NFIA: variants seen among roughly 807,000 people sequenced by gnomAD.
NFIA encodes nuclear factor 1 A-type.
A neutral mutation model predicts 62.8 loss-of-function variants in NFIA; 8 were observed. The observed-to-expected ratio is 0.13, with a 90% CI of 0.07 to 0.23. NFIA has a LOEUF of 0.23. Ranked by LOEUF, NFIA falls within the 10% of genes least tolerant of loss-of-function variation. The pLI is 1.00. For missense variants in NFIA, 410 were observed against 642.1 expected (o/e 0.64, Z 3.91); for synonymous variants, 235 against 238.1 (o/e 0.99, Z 0.12).
At chr1:61,355,509 G>A (rs1186348973) in intron 5 of NFIA, among the ~76,000 whole-genome samples, 2 of 152,028 alleles carry the variant, frequency 1.3e-5, no homozygotes, top group Admixed American at 6.5e-5. Context: ...AAGTTGTCTC[G>A]GAAGCCTCCA....
intron 10 of NFIA, among the ~76,000 whole-genome samples, chr1:61,442,729 C>G (rs1416465954): frequency 6.6e-6 from 1 of 152,168 alleles, no homozygotes; most frequent in South Asian, 2.1e-4. Flanking sequence ...ACATGATTTT[C>G]AGTCATTTGG....
chr1:61,119,879 G>C (rs1268129384), intron 2 of NFIA, among the ~76,000 whole-genome samples: 2 of 152,148 alleles, frequency 1.3e-5, no homozygotes, highest in Non-Finnish European at 2.9e-5. Flanking sequence ...CCTTGCCTCT[G>C]TATGCCCTGC....
intron 3 of NFIA, among the ~76,000 whole-genome samples, chr1:61,308,702 G>C (rs918479570): frequency 6.6e-6 from 1 of 152,094 alleles, no homozygotes; most frequent in African/African-American, 2.4e-5. Flanking sequence ...TTCTGTCTTA[G>C]TTTTCTCAGG....
intron 7 of NFIA, among the ~76,000 whole-genome samples, chr1:61,388,795 T>G (rs1024288017): frequency 6.6e-6 from 1 of 152,078 alleles, no homozygotes; most frequent in Non-Finnish European, 1.5e-5. Flanking sequence ...CTTAAGAAAA[T>G]AAGGAGTCAC....
chr1:61,198,489 T>C (rs1230983569), intron 2 of NFIA, among the ~76,000 whole-genome samples: 2 of 152,210 alleles, frequency 1.3e-5, no homozygotes, highest in African/African-American at 4.8e-5. Context: ...CTAGGGTCTT[T>C]GACTGAGAAG....
chr1:61,280,650 C>G (rs939707097), intron 3 of NFIA, among the ~76,000 whole-genome samples: 3 of 152,122 alleles, frequency 2.0e-5, no homozygotes, highest in African/African-American at 7.2e-5. Context: ...GCTGTTTCTT[C>G]CCTGTCCAAC....
intron 6 of NFIA, among the ~76,000 whole-genome samples, 197 bp from the exon 7 acceptor site, chr1:61,383,040 C>T (rs1664497309): frequency 6.6e-6 from 1 of 152,178 alleles, no homozygotes; most frequent in South Asian, 2.1e-4. Context: ...AAATCAAATA[C>T]AGACCGACTT....
Position 61,442,065 on chromosome 1 carries a change from A to T in NFIA, c.1513-13238A>T, listed in dbSNP as rs149740691. ...CTCAGCCCTGGGGTCAATACTGTCA[A>T]ATCTGGACTATCCCCTCGCACCCCT... On this transcript the variant is annotated intron_variant, in intron 10 of 10. Coordinates refer to ENST00000403491, the MANE Select transcript of NFIA (RefSeq NM_001134673.4). Among the ~76,000 whole-genome samples the T allele has an allele frequency of 9.9e-5, 15 of 152,194 alleles. No homozygotes were observed. In the East Asian group the frequency reaches 2.9e-3, roughly 29 times the overall value.
intron 9 of NFIA, among the ~76,000 whole-genome samples, chr1:61,416,002 A>G (rs1248441270): frequency 6.6e-6 from 1 of 152,174 alleles, no homozygotes; most frequent in Admixed American, 6.5e-5. Flanking sequence ...CCATGAATTC[A>G]TGGACTAATC....
Position 61,147,014 on chromosome 1 carries a change from G to A in NFIA, c.559+58334G>A, listed in dbSNP as rs921298281. On this transcript the variant is annotated intron_variant, in intron 2 of 10. Coordinates refer to ENST00000403491, the MANE Select transcript of NFIA (RefSeq NM_001134673.4). ...AGAGCTGTGGATTAGTGAATCTTAC[G>A]GATGGCTCTTTTCAGTTGAATATAA... Among the ~76,000 whole-genome samples the A allele has an allele frequency of 6.6e-5, 10 of 152,218 alleles. 1 individual carries two copies. The highest frequency in any genetic ancestry group is 3.9e-4 in the East Asian group (2 of 5,176).
intron 2 of NFIA, among the ~76,000 whole-genome samples, chr1:61,208,282 A>G (rs1361968098): frequency 6.6e-6 from 1 of 151,942 alleles, no homozygotes; most frequent in East Asian, 1.9e-4. Flanking sequence ...CAGTTTTATC[A>G]TTTTTTCTGC....
chr1:61,219,640 G>C lies in NFIA; in HGVS notation c.560-57880G>C, dbSNP rs139106684. Among the ~76,000 whole-genome samples, 675 of 151,426 alleles carry C rather than the reference G, an allele frequency of 4.5e-3. 1 individual carries two copies. Among genetic ancestry groups the C allele is most frequent in the Middle Eastern group, 0.017 (5 of 294 alleles). ...GAGGCAGGAGAATGGCGTGAACGCG[G>C]GAGGCGGAGCTTGCAGTGAGCCGAG... On this transcript the variant is annotated intron_variant, in intron 2 of 10. Coordinates refer to ENST00000403491, the MANE Select transcript of NFIA (RefSeq NM_001134673.4).
In NFIA at chr1:61,359,172, G is replaced by A; in HGVS notation, c.844G>A (p.Glu282Lys). The A allele has an allele frequency of 6.2e-7, 1 of 1,613,404 alleles. No homozygotes were observed. The highest frequency in any genetic ancestry group is 8.5e-7 in the Non-Finnish European group (1 of 1,179,978). The change falls in exon 6 of 11, where the codon GAG (glutamate) becomes AAG (lysine). Residue 282 changes from glutamate (E) to lysine (K), a missense_variant. Around this residue, in one of 3 missense-constraint regions of NFIA, gnomAD observed 298 missense variants for 438.1 expected, o/e 0.68. Coordinates refer to ENST00000403491, the MANE Select transcript of NFIA (RefSeq NM_001134673.4). ...CTCCACAAAGCGCCTCAAGTCTGTGGAGGATGAAATGGACAGTCCTGGTGA... is the reference window on the plus strand; with the variant it reads ...CTCCACAAAGCGCCTCAAGTCTGTGAAGGATGAAATGGACAGTCCTGGTGA... The part of the protein sequence containing the change: ...TSSTKRLKSV[E>K]DEMDSPGEEP...
chr1:61,352,114 C>G (rs570851902), intron 4 of NFIA, among the ~76,000 whole-genome samples: 9 of 152,272 alleles, frequency 5.9e-5, no homozygotes, highest in Admixed American at 5.2e-4. Flanking sequence ...TTAGAAAAGT[C>G]TAAAGAGTGT....
chr1:61,455,253 A>G (rs1304481150), intron 10 of NFIA, 50 bp from the exon 11 acceptor site: 1 of 1,605,462 alleles, frequency 6.2e-7, no homozygotes, highest in Admixed American at 1.7e-5. Context: ...TCTAAAACAC[A>G]CGTTTTTACA....
intron 2 of NFIA, among the ~76,000 whole-genome samples, chr1:61,167,398 A>G (rs1442118288): frequency 6.6e-6 from 1 of 152,228 alleles, no homozygotes; most frequent in Admixed American, 6.5e-5. Flanking sequence ...ATTATTTCAT[A>G]GCTATTAAAA....
chr1:61,215,146 G>A (rs187980582), intron 2 of NFIA, among the ~76,000 whole-genome samples: 1 of 152,226 alleles, frequency 6.6e-6, no homozygotes, highest in African/African-American at 2.4e-5. Flanking sequence ...GCTTTAAAAT[G>A]TATTTTAATG....
At chr1:61,264,653 CAAAAAAAAAAA>C (rs1165980251) in intron 2 of NFIA, among the ~76,000 whole-genome samples, 193 of 60,754 alleles carry the variant, frequency 3.2e-3, no homozygotes, top group African/African-American at 7.9e-3. Context: ...CTCCACCTTA[CAAAAAAAAAAA>C]AAAAAAAAAA....
At chr1:61,149,514 T>C (rs1648252994) in intron 2 of NFIA, among the ~76,000 whole-genome samples, 1 of 152,230 alleles carries the variant, frequency 6.6e-6, no homozygotes, top group South Asian at 2.1e-4. Flanking sequence ...TTTGCAAAAA[T>C]GTAAACCAGA....
Sources: gnomAD v4.1 joint callset for allele counts (sites outside exome capture counted in the v4.1 genomes callset) on GRCh38, gnomAD v4.1.1 for gene constraint, gnomAD v4.1.1 regional missense constraint, MANE v1.5 for transcripts, NCBI Gene and HGNC (gene_info 2026-07-23, HGNC 2026-07-21) for gene names.